The following ANO2 variants were observed in gnomAD, a reference collection of about 807,000 sequenced individuals.
The protein encoded by ANO2 is anoctamin-2.
ANO2 carries 101 observed loss-of-function variants against 124.2 expected under a neutral mutation model. The observed-to-expected ratio is 0.81, with a 90% CI of 0.69 to 0.96. The LOEUF (loss-of-function observed/expected upper bound fraction) is 0.96. Ranked by LOEUF, ANO2 falls within the 40% of genes least tolerant of loss-of-function variation. ANO2 has a pLI of 0.00. For missense variants in ANO2, 1,293 were observed against 1,274.5 expected (o/e 1.01, Z -0.22); for synonymous variants, 486 against 482.5 (o/e 1.01, Z -0.09).
At chr12:5,719,711 C>T (rs1262220527) in intron 14 of ANO2, among the ~76,000 whole-genome samples, 1 of 152,174 alleles carries the variant, frequency 6.6e-6, no homozygotes, top group African/African-American at 2.4e-5. Context: ...CTAGAAATTA[C>T]CCAGTCTAAG....
intron 16 of ANO2, among the ~76,000 whole-genome samples, chr12:5,623,485 C>T (rs1945230624): frequency 6.6e-6 from 1 of 152,164 alleles, no homozygotes; most frequent in African/African-American, 2.4e-5. Flanking sequence ...CGTGTTAATC[C>T]TCTGCTGCAT....
At position 5,578,489 on chromosome 12, in the gene ANO2, C is replaced by T. The variant is rs199625786; in HGVS notation, c.2263G>A (p.Val755Met). 1.3e-5 allele frequency: 21 copies of T among 1,613,666 alleles called. No homozygotes were observed. The highest frequency in any genetic ancestry group is 8.0e-5 in the African/African-American group (6 of 74,918). Residue 755 changes from valine (V) to methionine (M), a missense_variant, in exon 21 of 25, where the codon GTG (valine) becomes ATG (methionine). Physicochemically the swap from Val to Met is conservative, Grantham distance 21. Transcript: ENST00000682330. Reference protein sequence around the residue: ...IIQFGFVTLFVASFPLAPVFA... With the variant: ...IIQFGFVTLFMASFPLAPVFA... ...ACAGGTGCCAGGGGAAAGGAGGCCA[C>T]GAAGAGGGTGACAAAACCAAACTGG...
At chr12:5,880,852 G>GGGGATGGA (rs1565745364) in intron 3 of ANO2, among the ~76,000 whole-genome samples, 4 of 116,926 alleles carry the variant, frequency 3.4e-5, no homozygotes, top group African/African-American at 6.7e-5. Flanking sequence ...GGGTGGGTGG[G>GGGGATGGA]TGGATAGATG....
intron 10 of ANO2, among the ~76,000 whole-genome samples, chr12:5,781,311 T>C (rs1393960605): frequency 6.6e-6 from 1 of 152,234 alleles, no homozygotes; most frequent in African/African-American, 2.4e-5. Context: ...ACATATTCCA[T>C]ACATACTCCT....
Position 5,748,128 on chromosome 12 carries a change from G to A in ANO2, c.1190+2708C>T, listed in dbSNP as rs529608271. ...TGCGCGTGCATGAGTGTGTGTGAAC[G>A]TGGGCTGTGTGCATCTGTGCATAGA... On this transcript the variant is annotated intron_variant, in intron 11 of 24. Coordinates refer to ENST00000682330, the MANE Select transcript of ANO2 (RefSeq NM_001364791.2). Among the ~76,000 whole-genome samples the A allele has an allele frequency of 1.1e-4, 17 of 152,280 alleles. No individual in the cohort carries two copies. The Middle Eastern group carries it at 0.01, about 91-fold the overall frequency.
intron 10 of ANO2, among the ~76,000 whole-genome samples, chr12:5,759,152 C>CAAAAAAAAAAAAAAAA (rs34935879): frequency 7.3e-6 from 1 of 137,006 alleles, no homozygotes; most frequent in Non-Finnish European, 1.6e-5. Context: ...CCAAAAGTTA[C>CAAAAAAAAAAAAAAAA]AAAAAAAAAA....
intron 1 of ANO2, among the ~76,000 whole-genome samples, chr12:5,927,968 C>A (rs991499245): frequency 2.6e-5 from 4 of 152,146 alleles, no homozygotes; most frequent in Non-Finnish European, 5.9e-5. Flanking sequence ...GAAGCTTGGG[C>A]ATGTAGCTGA....
intron 10 of ANO2, among the ~76,000 whole-genome samples, chr12:5,789,737 T>C (rs1347193967): frequency 6.6e-6 from 1 of 152,218 alleles, no homozygotes; most frequent in African/African-American, 2.4e-5. Context: ...ACCCACAGAA[T>C]GCTGTGGTTT....
At chr12:5,735,484 A>G (rs984062493) in intron 13 of ANO2, among the ~76,000 whole-genome samples, 2 of 152,210 alleles carry the variant, frequency 1.3e-5, no homozygotes, top group Non-Finnish European at 2.9e-5. Context: ...TGCCAGTCCT[A>G]GACACAAGAT....
At chr12:5,617,255 C>A (rs1449077892) in intron 16 of ANO2, among the ~76,000 whole-genome samples, 1 of 152,172 alleles carries the variant, frequency 6.6e-6, no homozygotes, top group Non-Finnish European at 1.5e-5. Context: ...ACCAAACTCT[C>A]CAGATCACAG....
intron 10 of ANO2, among the ~76,000 whole-genome samples, chr12:5,782,141 T>C (rs1008239947): frequency 3.9e-5 from 6 of 152,210 alleles, no homozygotes; most frequent in Non-Finnish European, 8.8e-5. Flanking sequence ...TACACACATA[T>C]TTAGGATTTT....
chr12:5,661,676 A>T (rs1947451063), intron 14 of ANO2, among the ~76,000 whole-genome samples: 1 of 152,134 alleles, frequency 6.6e-6, no homozygotes, highest in South Asian at 2.1e-4. Flanking sequence ...GTCCCACTTT[A>T]GCTAATCCAT....
At chr12:5,877,127 G>C (rs1393875352) in intron 3 of ANO2, among the ~76,000 whole-genome samples, 1 of 152,142 alleles carries the variant, frequency 6.6e-6, no homozygotes, top group East Asian at 1.9e-4. Flanking sequence ...TTATGGAAGA[G>C]GTTTTGCAGA....
chr12:5,590,151 G>T (rs912680654), intron 20 of ANO2, among the ~76,000 whole-genome samples: 1 of 152,174 alleles, frequency 6.6e-6, no homozygotes, highest in African/African-American at 2.4e-5. Context: ...GCCACATACG[G>T]CCCAGGACAG....
intron 4 of ANO2, among the ~76,000 whole-genome samples, chr12:5,834,221 T>C (rs1954245575): frequency 6.6e-6 from 1 of 152,252 alleles, no homozygotes; most frequent in Non-Finnish European, 1.5e-5. Context: ...TTTAGGCTAC[T>C]AAGTGTGGGC....
intron 3 of ANO2, among the ~76,000 whole-genome samples, chr12:5,860,764 A>G (rs60744307): frequency 0.017 from 2,638 of 152,276 alleles, 69 homozygotes; most frequent in African/African-American, 0.056. Context: ...GATGCTCACC[A>G]CATTTGCAGA....
intron 16 of ANO2, among the ~76,000 whole-genome samples, chr12:5,629,034 G>T (rs1319358730): frequency 6.6e-6 from 1 of 152,148 alleles, no homozygotes; most frequent in Non-Finnish European, 1.5e-5. Flanking sequence ...GGAGTGGGCT[G>T]TCAGTAATGT....
At chr12:5,718,886 T>C (rs556979755) in intron 14 of ANO2, among the ~76,000 whole-genome samples, 49 of 152,350 alleles carry the variant, frequency 3.2e-4, no homozygotes, top group African/African-American at 1.2e-3. Context: ...TGCAGTTTCC[T>C]GCATGGTTCC....
At chr12:5,891,118 C>T (rs2136272284) in intron 3 of ANO2, among the ~76,000 whole-genome samples, 1 of 152,282 alleles carries the variant, frequency 6.6e-6, no homozygotes, top group South Asian at 2.1e-4. Flanking sequence ...CTCAAAATTA[C>T]TTTCTTTTTG....
Sources: allele counts gnomAD v4.1 joint callset (sites outside exome capture counted in the v4.1 genomes callset), GRCh38; gene constraint gnomAD v4.1.1; transcripts MANE v1.5; gene names NCBI Gene and HGNC (gene_info 2026-07-23, HGNC 2026-07-21).